NTN4: variants seen among roughly 807,000 people sequenced by gnomAD.
The protein encoded by NTN4 is netrin-4.
In NTN4, 32 loss-of-function variants were observed where a neutral mutation model predicts 73.6. That is an observed-to-expected ratio of 0.44 (90% CI 0.33 to 0.58). NTN4 has a LOEUF of 0.58. Among genes scored for constraint, NTN4 ranks in the 20% least tolerant of loss-of-function variants. The probability of loss-of-function intolerance (pLI) is 0.04; values close to 1 mark genes in which losing one functional copy is unlikely to be tolerated. For missense variants in NTN4, 654 were observed against 798.3 expected, an observed-to-expected ratio of 0.82 and a Z score of 2.18; for synonymous variants, 258 against 287.5, an observed-to-expected ratio of 0.90 and a Z score of 1.04.
intron 7 of NTN4, among the ~76,000 whole-genome samples, chr12:95,680,246 C>A (rs1179239878): frequency 6.6e-6 from 1 of 152,148 alleles, no homozygotes; most frequent in Non-Finnish European, 1.5e-5. Flanking sequence ...GACAGAGGTA[C>A]TTAATAAATA....
chr12:95,667,275 C>T (rs1224863411), intron 8 of NTN4, among the ~76,000 whole-genome samples: 4 of 151,424 alleles, frequency 2.6e-5, no homozygotes, highest in African/African-American at 9.7e-5. Flanking sequence ...CTGCAACCTC[C>T]GCCTCCGAGG....
At position 95,759,491 on chromosome 12, in the gene NTN4, G is replaced by GTTT. The variant is rs61286357; in HGVS notation, c.586-21350_586-21348dup. 1.5e-3 allele frequency among the ~76,000 whole-genome samples: 203 copies of GTTT among 136,378 alleles called. 2 individuals carry two copies. Among genetic ancestry groups the GTTT allele is most frequent in the African/African-American group, 5.1e-3 (183 of 35,924 alleles). The allele number at this position is 136,378 out of a possible 152,430, so 89.5% of individuals were successfully genotyped here. ...ACTGTCAGTCCCTAGTAGTATTTTTGTTTTTTTTTTTTTTTGAGATGGGGT... is the reference window on the plus strand; with the variant it reads ...ACTGTCAGTCCCTAGTAGTATTTTTGTTTTTTTTTTTTTTTTTTGAGATGGGGT... On this transcript the variant is annotated intron_variant, in intron 2 of 9. Transcript: ENST00000343702.
intron 2 of NTN4, among the ~76,000 whole-genome samples, chr12:95,778,199 A>G (rs1178111499): frequency 6.6e-6 from 1 of 152,230 alleles, no homozygotes; most frequent in African/African-American, 2.4e-5. Context: ...AATGCCCACA[A>G]AAGAAAGCAG....
chr12:95,684,639 C>A (rs144712978), intron 5 of NTN4, among the ~76,000 whole-genome samples: 1 of 152,084 alleles, frequency 6.6e-6, no homozygotes, highest in Non-Finnish European at 1.5e-5. Context: ...AAGTCCTTCT[C>A]CTCAGCCCTC....
chr12:95,671,745 C>CTG (rs778740567), intron 7 of NTN4, among the ~76,000 whole-genome samples: 19 of 152,322 alleles, frequency 1.2e-4, no homozygotes, highest in Non-Finnish European at 2.2e-4. Context: ...CCTCTCTAGA[C>CTG]TGTGTCCCTT....
intron 5 of NTN4, 33 bp downstream of exon 5, chr12:95,710,408 C>A: frequency 6.4e-7 from 1 of 1,564,118 alleles, no homozygotes; most frequent in South Asian, 1.1e-5. Context: ...TTGTACAAAT[C>A]AGCCTATTTT....
intron 5 of NTN4, among the ~76,000 whole-genome samples, chr12:95,689,754 G>T (rs139966222): frequency 6.6e-6 from 1 of 152,324 alleles, no homozygotes; most frequent in East Asian, 1.9e-4. Flanking sequence ...CCTTATTTTA[G>T]AAATCATTCC....
intron 5 of NTN4, among the ~76,000 whole-genome samples, chr12:95,698,778 G>A (rs2078460335): frequency 6.6e-6 from 1 of 151,930 alleles, no homozygotes; most frequent in Admixed American, 6.6e-5. Flanking sequence ...AATTGCTTGA[G>A]CCCAGGAGTT....
At chr12:95,771,295 T>A (rs1326100577) in intron 2 of NTN4, among the ~76,000 whole-genome samples, 1 of 152,160 alleles carries the variant, frequency 6.6e-6, no homozygotes, top group Non-Finnish European at 1.5e-5. Context: ...GGCCAAGAAT[T>A]TGTTTCTTAG....
At chr12:95,720,823 T>C (rs1252522284) in intron 3 of NTN4, among the ~76,000 whole-genome samples, 5 of 152,212 alleles carry the variant, frequency 3.3e-5, no homozygotes, top group African/African-American at 4.8e-5. Context: ...ATGGACCTGA[T>C]GATAAATAAC....
chr12:95,660,533 A>G (rs2078129644), intron 9 of NTN4, among the ~76,000 whole-genome samples: 8 of 152,212 alleles, frequency 5.3e-5, no homozygotes. Context: ...AGCTTTAGAT[A>G]ACAAATTTTA....
At chr12:95,776,494 A>G (rs1180604740) in intron 2 of NTN4, among the ~76,000 whole-genome samples, 1 of 152,252 alleles carries the variant, frequency 6.6e-6, no homozygotes, top group East Asian at 1.9e-4. Flanking sequence ...AAACCGTGGC[A>G]TGAGAACTAC....
At chr12:95,747,332 G>T (rs1033420291) in intron 2 of NTN4, among the ~76,000 whole-genome samples, 1 of 151,754 alleles carries the variant, frequency 6.6e-6, no homozygotes, top group African/African-American at 2.4e-5. Flanking sequence ...TGTATGTATT[G>T]TTTTCTTTTT....
At chr12:95,759,317 C>T (rs948265852) in intron 2 of NTN4, among the ~76,000 whole-genome samples, 1 of 151,946 alleles carries the variant, frequency 6.6e-6, no homozygotes, top group Non-Finnish European at 1.5e-5. Context: ...TTTTAGACTC[C>T]GATTACTTGA....
chr12:95,756,996 G>T (rs1372289139), intron 2 of NTN4, among the ~76,000 whole-genome samples: 2 of 152,010 alleles, frequency 1.3e-5, no homozygotes, highest in Non-Finnish European at 2.9e-5. Context: ...CCTTCTATGT[G>T]CTACTTCAAG....
chr12:95,739,966 T>G (rs1200588748), intron 2 of NTN4: 1 of 152,228 alleles, frequency 6.6e-6, no homozygotes, highest in Non-Finnish European at 1.5e-5. Context: ...TTGAAGCTCT[T>G]CTGCTTCCTG....
chr12:95,717,896 A>T (rs1026297809), intron 3 of NTN4, among the ~76,000 whole-genome samples: 2 of 152,186 alleles, frequency 1.3e-5, no homozygotes, highest in African/African-American at 4.8e-5. Context: ...ATATTCTATG[A>T]TTTCCATAAA....
intron 9 of NTN4, among the ~76,000 whole-genome samples, chr12:95,665,224 C>T (rs978141927): frequency 2.6e-5 from 4 of 152,150 alleles, no homozygotes; most frequent in Non-Finnish European, 5.9e-5. Context: ...TTTAAAGGTG[C>T]AAATCAAATT....
At chr12:95,782,561 G>C (rs1258041318) in intron 2 of NTN4, among the ~76,000 whole-genome samples, 1 of 152,078 alleles carries the variant, frequency 6.6e-6, no homozygotes, top group Non-Finnish European at 1.5e-5. Context: ...CAAAGTGCTG[G>C]GATTACAGGC....
Sources: allele counts gnomAD v4.1 joint callset (sites outside exome capture counted in the v4.1 genomes callset), GRCh38; gene constraint gnomAD v4.1.1; transcripts MANE v1.5; gene names NCBI Gene and HGNC (gene_info 2026-07-23, HGNC 2026-07-21).